WDR48: variants seen among roughly 807,000 people sequenced by gnomAD.
WDR48 encodes WD repeat-containing protein 48.
Under a neutral mutation model 94.0 loss-of-function variants are expected in WDR48, and 22 were observed. The ratio of observed to expected loss-of-function variants is 0.23; its 90% confidence interval spans 0.17 to 0.33. The LOEUF is 0.33. Ranked by LOEUF, WDR48 falls within the 10% of genes least tolerant of loss-of-function variation. The pLI is 1.00. For missense variants in WDR48, 541 were observed against 813.8 expected, an observed-to-expected ratio of 0.66 and a Z score of 4.08; for synonymous variants, 278 against 280.5, an observed-to-expected ratio of 0.99 and a Z score of 0.09.
At chr3:39,086,677 T>TC (rs1208923150) in intron 14 of WDR48, among the ~76,000 whole-genome samples, 1 of 152,176 alleles carries the variant, frequency 6.6e-6, no homozygotes, top group Non-Finnish European at 1.5e-5. Flanking sequence ...CTCTGCTGCT[T>TC]AACAGCTATG....
At chr3:39,054,487 T>G (rs1160159876) in intron 1 of WDR48, among the ~76,000 whole-genome samples, 2 of 152,256 alleles carry the variant, frequency 1.3e-5, no homozygotes, top group African/African-American at 2.4e-5. Context: ...GTTCTATACC[T>G]CTTGCTGTTT....
chr3:39,086,136 A>G (rs937126352), intron 14 of WDR48, among the ~76,000 whole-genome samples: 3 of 152,242 alleles, frequency 2.0e-5, no homozygotes, highest in African/African-American at 7.2e-5. Context: ...TAAAGAATTA[A>G]TGTCACTGAG....
intron 11 of WDR48, among the ~76,000 whole-genome samples, chr3:39,082,738 G>A (rs574880398): frequency 7.6e-4 from 115 of 152,304 alleles, no homozygotes; most frequent in Non-Finnish European, 1.1e-3. Context: ...GAAAGATGTT[G>A]AATTTGAGTT....
At chr3:39,070,687 C>CTTT (rs34204168) in intron 7 of WDR48, among the ~76,000 whole-genome samples, 3 of 133,334 alleles carry the variant, frequency 2.2e-5, no homozygotes, top group Non-Finnish European at 4.9e-5. Flanking sequence ...TGTGAAGGAT[C>CTTT]TTTTTTTTTT....
At chr3:39,052,263 G>A in intron 1 of WDR48, 190 bp downstream of exon 1, 1 of 628,746 alleles carries the variant, frequency 1.6e-6, no homozygotes, top group Non-Finnish European at 2.7e-6. Context: ...CGGCTTGCTT[G>A]GCCCTTGGGG....
At chr3:39,052,245 G>A in intron 1 of WDR48, 172 bp downstream of exon 1, 4 of 731,938 alleles carry the variant, frequency 5.5e-6, no homozygotes, top group Non-Finnish European at 8.7e-6. Context: ...TGAGGAAGGG[G>A]CGGGGGTCGG....
In WDR48 at chr3:39,052,068, G is replaced by C; in HGVS notation, c.43G>C (p.Val15Leu). ...GCAGAACACAGCAGGGCGGAGGAAAGTGCAGGTATGGAAGCCCGGTTCCTC... is the reference window on the plus strand; with the variant it reads ...GCAGAACACAGCAGGGCGGAGGAAACTGCAGGTATGGAAGCCCGGTTCCTC... ...HRQNTAGRRK[V>L]QVSYVIRDEV... The change falls in exon 1 of 19, where the codon GTG (valine) becomes CTG (leucine). Residue 15 changes from valine (V) to leucine (L), a missense_variant. This residue lies in a region of WDR48 where 90 missense variants were observed against 122.3 expected (regional missense o/e 0.74). Transcript: ENST00000302313. The C allele has an allele frequency of 6.2e-7, 1 of 1,613,840 alleles. No homozygotes were observed. The highest frequency in any genetic ancestry group is 8.5e-7 in the Non-Finnish European group (1 of 1,179,930).
At chr3:39,054,799 G>A (rs1408878805) in intron 1 of WDR48, among the ~76,000 whole-genome samples, 2 of 151,922 alleles carry the variant, frequency 1.3e-5, no homozygotes, top group Non-Finnish European at 2.9e-5. Flanking sequence ...GGATCTGCTC[G>A]TCTTCCAGGG....
At chr3:39,079,599 A>G (rs1343443573) in intron 10 of WDR48, 112 bp from the exon 11 acceptor site, 2 of 667,140 alleles carry the variant, frequency 3.0e-6, no homozygotes, top group Non-Finnish European at 4.8e-6. Flanking sequence ...TTTCCTTTCT[A>G]GTAGCTAGTA....
chr3:39,052,042 G>A lies in WDR48; in HGVS notation c.17G>A (p.Arg6Gln), dbSNP rs1216477710. The change falls in exon 1 of 19, where the codon CGG becomes CAG. Residue 6 changes from arginine (R) to glutamine (Q), a missense_variant. Around this residue, in one of 5 missense-constraint regions of WDR48, gnomAD observed 90 missense variants for 122.3 expected, o/e 0.74. Coordinates refer to ENST00000302313, the MANE Select transcript of WDR48 (RefSeq NM_020839.4). MAAHH[R>Q]QNTAGRRKVQ... is the part of the protein sequence containing the mutation. ...ACATGCAAGATGGCGGCCCATCACCGGCAGAACACAGCAGGGCGGAGGAAA... is the reference window on the plus strand; with the variant it reads ...ACATGCAAGATGGCGGCCCATCACCAGCAGAACACAGCAGGGCGGAGGAAA... 5 of 1,613,932 alleles carry A rather than the reference G, an allele frequency of 3.1e-6. No individual in the cohort carries two copies. In the South Asian group the frequency reaches 3.3e-5, roughly 11 times the overall value.
chr3:39,066,416 G>A lies in WDR48; in HGVS notation c.269-132G>A, dbSNP rs949223258. The A allele has an allele frequency of 5.4e-6, 4 of 747,404 alleles. No homozygotes were observed. The African/African-American group carries it at 7.1e-5, about 13-fold the overall frequency. 46.3% of individuals were successfully genotyped at this position (747,404 alleles called of 1,614,324 possible). A position where few individuals can be genotyped will look rare whatever the true frequency, so the allele number is the denominator to read the frequency against. On this transcript the variant is annotated intron_variant, in intron 3 of 18. Coordinates refer to ENST00000302313, the MANE Select transcript of WDR48 (RefSeq NM_020839.4). ...CAATATACAATAGGTTCTAGAAAGAGCTTTTAGGTATGTTTGTGTGTGTAA... is the reference window on the plus strand; with the variant it reads ...CAATATACAATAGGTTCTAGAAAGAACTTTTAGGTATGTTTGTGTGTGTAA...
chr3:39,075,190 CTTT>C (rs11353487), intron 8 of WDR48, among the ~76,000 whole-genome samples: 9,547 of 110,448 alleles, frequency 0.086, 885 homozygotes, highest in African/African-American at 0.24. Context: ...TTGTGTTTTG[CTTT>C]TTTTTTTTTT....
intron 8 of WDR48, among the ~76,000 whole-genome samples, chr3:39,075,506 G>A (rs1261363210): frequency 6.6e-6 from 1 of 152,084 alleles, no homozygotes; most frequent in Non-Finnish European, 1.5e-5. Flanking sequence ...AACCACCACT[G>A]CCTCAGAGCA....
chr3:39,062,747 A>G (rs996117283), intron 1 of WDR48, among the ~76,000 whole-genome samples: 4 of 152,194 alleles, frequency 2.6e-5, no homozygotes, highest in Admixed American at 6.5e-5. Context: ...GAGCTGAGAT[A>G]GATTTTTAAA....
rs2035335780 is a variant in WDR48 at position 39,096,393 on chromosome 3, A to G, written c.*1650A>G. On this transcript the variant is annotated 3_prime_UTR_variant, in exon 19 of 19. Transcript: ENST00000302313. ...CAATAGTTGTGAATTAATGGCAAAG[A>G]AAAAAAAAATTATTTACCAGCCCTC... The G allele has an allele frequency of 7.1e-6, 1 of 140,914 alleles. No individual in the cohort carries two copies. Among genetic ancestry groups the G allele is most frequent in the Admixed American group, 6.8e-5 (1 of 14,656 alleles). The allele number at this position is 140,914 out of a possible 1,614,324, so 8.7% of individuals were successfully genotyped here.
At chr3:39,078,280 CG>C (rs2034335640) in intron 10 of WDR48, 41 bp downstream of exon 10, 1 of 1,373,260 alleles carries the variant, frequency 7.3e-7, no homozygotes, top group African/African-American at 1.5e-5. Context: ...TTGAAGTTAG[CG>C]ATAGTTACTT....
chr3:39,085,668 A>G, intron 14 of WDR48, 58 bp downstream of exon 14: 1 of 1,438,968 alleles, frequency 6.9e-7, no homozygotes. Context: ...CTTAAAAGGT[A>G]CTTACTAAAA....
At chr3:39,091,483 T>G (rs2035070236) in intron 16 of WDR48, 142 bp from the exon 17 acceptor site, 1 of 613,552 alleles carries the variant, frequency 1.6e-6, no homozygotes, top group Non-Finnish European at 2.7e-6. Flanking sequence ...TTAGGTAATT[T>G]GATAGCTTAC....
intron 11 of WDR48, among the ~76,000 whole-genome samples, chr3:39,080,978 A>G (rs1157341786): frequency 6.6e-6 from 1 of 152,212 alleles, no homozygotes; most frequent in East Asian, 1.9e-4. Flanking sequence ...TGCAGGACCC[A>G]AAGTTGGCCT....
Sources: gnomAD v4.1 joint callset for allele counts (sites outside exome capture counted in the v4.1 genomes callset) on GRCh38, gnomAD v4.1.1 for gene constraint, gnomAD v4.1.1 regional missense constraint, MANE v1.5 for transcripts, NCBI Gene and HGNC (gene_info 2026-07-23, HGNC 2026-07-21) for gene names.